Variants in ITPR2 observed in about 807,000 individuals in gnomAD.
ITPR2 encodes inositol 1,4,5-trisphosphate-gated calcium channel ITPR2.
Under a neutral mutation model 317.1 loss-of-function variants are expected in ITPR2, and 207 were observed. The ratio of observed to expected loss-of-function variants is 0.65; its 90% CI spans 0.58 to 0.73. ITPR2 has a LOEUF of 0.73. ITPR2 is among the 30% of genes least tolerant of loss of function. The pLI, the probability that ITPR2 is intolerant of heterozygous loss-of-function variation, is 0.00. For missense variants in ITPR2, 2,613 were observed against 3,284.0 expected, an observed-to-expected ratio of 0.80 and a Z score of 4.99; for synonymous variants, 1,156 against 1,149.1, an observed-to-expected ratio of 1.01 and a Z score of -0.12.
At chr12:26,727,384 T>C (rs909368494) in intron 2 of ITPR2, among the ~76,000 whole-genome samples, 1 of 152,220 alleles carries the variant, frequency 6.6e-6, no homozygotes, top group Non-Finnish European at 1.5e-5. Flanking sequence ...CTGAACTCCA[T>C]AATCTGGAAT....
Position 26,716,500 on chromosome 12 carries a change from A to G in ITPR2, c.526-258T>C, listed in dbSNP as rs372861999. ...TGGATCTTTTTCATATTCATCTCCC[A>G]TTTCAGTTAGAGCTTCCTTAAAGTC... On this transcript the variant is annotated intron_variant, in intron 5 of 56. Transcript: ENST00000381340. 4.8e-4 allele frequency among the ~76,000 whole-genome samples: 72 copies of G among 151,328 alleles called. No homozygotes were observed. The Middle Eastern group carries it at 0.01, about 21-fold the overall frequency.
chr12:26,635,233 T>G (rs151277718), intron 21 of ITPR2, among the ~76,000 whole-genome samples: 1 of 152,222 alleles, frequency 6.6e-6, no homozygotes, highest in Non-Finnish European at 1.5e-5. Flanking sequence ...GTGATCACAC[T>G]ATTGGGTTCA....
chr12:26,520,980 A>T (rs887310363), intron 37 of ITPR2, among the ~76,000 whole-genome samples: 7 of 152,326 alleles, frequency 4.6e-5, no homozygotes, highest in African/African-American at 1.7e-4. Flanking sequence ...TGGATAAATT[A>T]TTTCCTGAAC....
intron 2 of ITPR2, among the ~76,000 whole-genome samples, chr12:26,762,555 C>T (rs1193497126): frequency 6.6e-6 from 1 of 152,112 alleles, no homozygotes; most frequent in Non-Finnish European, 1.5e-5. Flanking sequence ...ACCTGCCTAA[C>T]AAGAAATGCT....
chr12:26,776,938 G>T (rs1371377019), intron 2 of ITPR2, among the ~76,000 whole-genome samples: 1 of 152,110 alleles, frequency 6.6e-6, no homozygotes, highest in African/African-American at 2.4e-5. Flanking sequence ...CACTAAAAAA[G>T]AATTGCTTGA....
At chr12:26,507,424 G>T (rs1053822214) in intron 37 of ITPR2, among the ~76,000 whole-genome samples, 2 of 152,144 alleles carry the variant, frequency 1.3e-5, no homozygotes, top group Middle Eastern at 3.2e-3. Flanking sequence ...TTGGAAATCA[G>T]TTTGATTCCC....
rs764434269 is a variant in ITPR2, at chr12:26,443,660, G to C, written c.6343-10C>G. ...TATTGTGGCGGGCCAACTAGAGTAG[G>C]GAAAAAATAAAGGTTTTAGGTCTTC... On this transcript the variant is annotated splice_polypyrimidine_tract_variant and intron_variant, in intron 45 of 56. Transcript: ENST00000381340. 8.7e-6 allele frequency: 14 copies of C among 1,609,136 alleles called. No homozygotes were observed. The South Asian group carries it at 9.9e-5, about 11-fold the overall frequency.
At chr12:26,539,178 A>T (rs1017407926) in intron 37 of ITPR2, among the ~76,000 whole-genome samples, 6 of 152,244 alleles carry the variant, frequency 3.9e-5, no homozygotes, top group African/African-American at 1.4e-4. Context: ...TATCAGGCCC[A>T]GTCTTATCCA....
chr12:26,575,873 A>G (rs951272551), intron 34 of ITPR2, among the ~76,000 whole-genome samples: 4 of 152,200 alleles, frequency 2.6e-5, no homozygotes, highest in South Asian at 2.1e-4. Flanking sequence ...TTGTGGCTCC[A>G]AGTTCTTTTT....
At chr12:26,578,596 G>C (rs1306479657) in intron 34 of ITPR2, 117 bp downstream of exon 34, 2 of 906,202 alleles carry the variant, frequency 2.2e-6, no homozygotes, top group African/African-American at 3.3e-5. Flanking sequence ...CAGTTTAACA[G>C]AAAACATACT....
intron 45 of ITPR2, among the ~76,000 whole-genome samples, chr12:26,466,754 C>A (rs1942179773): frequency 6.6e-6 from 1 of 152,086 alleles, no homozygotes; most frequent in Admixed American, 6.6e-5. Flanking sequence ...AAATAGCTCA[C>A]AGAGAAAACA....
intron 24 of ITPR2, chr12:26,623,490 T>C (rs1184707536): frequency 6.6e-6 from 1 of 152,220 alleles, no homozygotes; most frequent in African/African-American, 2.4e-5. Flanking sequence ...ATTAGTTATG[T>C]TGTTAATCTC....
intron 1 of ITPR2, among the ~76,000 whole-genome samples, chr12:26,815,513 T>C (rs1173499474): frequency 2.0e-5 from 3 of 152,192 alleles, no homozygotes; most frequent in Admixed American, 1.3e-4. Flanking sequence ...AAATAACATG[T>C]TGGTTTTAAA....
chr12:26,751,529 C>G lies in ITPR2; in HGVS notation c.164-25764G>C, dbSNP rs11048673. Among the ~76,000 whole-genome samples, 58 of 152,242 alleles carry G rather than the reference C, an allele frequency of 3.8e-4. No individual in the cohort carries two copies. The East Asian group carries it at 9.8e-3, about 26-fold the overall frequency. ...ATATATTCTGACAATGAACTCCCAT[C>G]AACTCAAATCATCTGTGCTTGAAAT... On this transcript the variant is annotated intron_variant, in intron 2 of 56. Transcript: ENST00000381340.
intron 45 of ITPR2, among the ~76,000 whole-genome samples, chr12:26,450,197 G>A (rs551635650): frequency 1.3e-5 from 2 of 152,128 alleles, no homozygotes; most frequent in African/African-American, 4.8e-5. Context: ...TAGGACTTTC[G>A]GCTTCCAGAA....
At chr12:26,588,713 A>T (rs1043403445) in intron 32 of ITPR2, among the ~76,000 whole-genome samples, 3 of 152,206 alleles carry the variant, frequency 2.0e-5, no homozygotes, top group African/African-American at 7.2e-5. Context: ...AATAAAACCA[A>T]TTATATCAAA....
At chr12:26,823,379 C>T (rs1950967305) in intron 1 of ITPR2, among the ~76,000 whole-genome samples, 1 of 152,140 alleles carries the variant, frequency 6.6e-6, no homozygotes, top group Non-Finnish European at 1.5e-5. Context: ...GTGTCAAATG[C>T]CTTGATGTCT....
chr12:26,360,510 A>G (rs1241201548), intron 55 of ITPR2, among the ~76,000 whole-genome samples: 1 of 152,188 alleles, frequency 6.6e-6, no homozygotes, highest in African/African-American at 2.4e-5. Context: ...AGATTACAGG[A>G]GGTGTCTACA....
In ITPR2 at chr12:26,534,043, TC is replaced by T. The variant is rs1221520645; in HGVS notation, c.5073+16203del. Among the ~76,000 whole-genome samples the T allele has an allele frequency of 2.0e-5, 3 of 152,286 alleles. No individual in the cohort carries two copies. The East Asian group carries it at 5.8e-4, about 29-fold the overall frequency. ...AAGTAATTCTCTCCCTGGCATCTAA[TC>T]CCTGATCCAGAGGGCCACTGCTTGA... On this transcript the variant is annotated intron_variant, in intron 37 of 56. Transcript: ENST00000381340.
Sources: gnomAD v4.1 joint callset for allele counts (sites outside exome capture counted in the v4.1 genomes callset) on GRCh38, gnomAD v4.1.1 for gene constraint, MANE v1.5 for transcripts, NCBI Gene and HGNC (gene_info 2026-07-23, HGNC 2026-07-21) for gene names.